Variants in SLK observed in about 807,000 individuals in gnomAD.
SLK encodes the protein STE20 like kinase, also known as STE20-like serine/threonine-protein kinase.
In SLK, 67 loss-of-function variants were observed where a neutral mutation model predicts 147.7. The ratio of observed to expected loss-of-function variants is 0.45; its 90% confidence interval spans 0.37 to 0.56. The LOEUF (loss-of-function observed/expected upper bound fraction) is 0.56, where lower values mean the gene tolerates loss of function less well. Among genes scored for constraint, SLK ranks in the 20% least tolerant of loss-of-function variants. The pLI is 0.00. For missense variants in SLK, 1,136 were observed against 1,438.8 expected (o/e 0.79, Z 3.41); for synonymous variants, 441 against 475.0 (o/e 0.93, Z 0.93).
chr10:104,008,390 C>A (rs1477520329), intron 12 of SLK, 34 bp downstream of exon 12: 2 of 1,348,620 alleles, frequency 1.5e-6, no homozygotes, highest in Non-Finnish European at 2.0e-6. Flanking sequence ...ATTACTAAAG[C>A]TTTTTTTTTA....
intron 12 of SLK, among the ~76,000 whole-genome samples, chr10:104,009,930 C>G (rs1054512538): frequency 1.3e-5 from 2 of 151,980 alleles, no homozygotes; most frequent in African/African-American, 4.8e-5. Context: ...CCATCAATAG[C>G]ATGTGGTGAT....
chr10:103,978,392 G>A (rs903068819), intron 1 of SLK, among the ~76,000 whole-genome samples: 2 of 151,982 alleles, frequency 1.3e-5, no homozygotes, highest in African/African-American at 4.8e-5. Flanking sequence ...CTATGTCAAG[G>A]TACACTTCTG....
chr10:103,978,894 C>G (rs1012737939), intron 1 of SLK, among the ~76,000 whole-genome samples: 5 of 152,144 alleles, frequency 3.3e-5, no homozygotes, highest in African/African-American at 1.2e-4. Context: ...CTCCTTCCAT[C>G]CCTTCCTCCT....
rs1844513401 is a variant in SLK, at chr10:104,019,938, AGTCTCTTCTCTTTTAGGTTTAAAATTTTT to A, written c.3321+18_3321+46del. ...AATTAAACAGGTAAATATGCAAGTTAGTCTCTTCTCTTTTAGGTTTAAAATTTTTGAATGACCATTAGAAGTTCTACAAA... is the reference window on the plus strand; with the variant it reads ...AATTAAACAGGTAAATATGCAAGTTAGAATGACCATTAGAAGTTCTACAAA... On this transcript the variant is annotated intron_variant, in intron 16 of 18. Coordinates refer to ENST00000369755, the MANE Select transcript of SLK (RefSeq NM_014720.4). 1 of 1,590,068 alleles carries A rather than the reference AGTCTCTTCTCTTTTAGGTTTAAAATTTTT, an allele frequency of 6.3e-7. No individual in the cohort carries two copies. Among genetic ancestry groups the A allele is most frequent in the East Asian group, 2.2e-5 (1 of 44,604 alleles).
intron 1 of SLK, among the ~76,000 whole-genome samples, chr10:103,985,058 T>C (rs1340581570): frequency 6.6e-6 from 1 of 152,242 alleles, no homozygotes; most frequent in South Asian, 2.1e-4. Context: ...TACAGTAAGA[T>C]GTATTGAGAG....
intron 1 of SLK, among the ~76,000 whole-genome samples, chr10:103,987,672 T>C (rs913575498): frequency 3.3e-5 from 5 of 152,202 alleles, no homozygotes; most frequent in African/African-American, 1.2e-4. Flanking sequence ...TGAAATGTCT[T>C]ATAAAAACAA....
chr10:104,006,416 A>G (rs1300561389), intron 11 of SLK, among the ~76,000 whole-genome samples: 2 of 152,154 alleles, frequency 1.3e-5, no homozygotes, highest in Non-Finnish European at 2.9e-5. Context: ...GTTTAGAGCA[A>G]TTGCCTTCAA....
chr10:103,977,153 A>G (rs895343640), intron 1 of SLK, among the ~76,000 whole-genome samples: 1 of 152,222 alleles, frequency 6.6e-6, no homozygotes, highest in African/African-American at 2.4e-5. Context: ...TTTGTAGGAT[A>G]TGAGGTCCTT....
intron 18 of SLK, among the ~76,000 whole-genome samples, chr10:104,022,220 G>GAGGAAGAAAAGGA (rs1410499191): frequency 1.3e-5 from 2 of 152,106 alleles, no homozygotes; most frequent in Non-Finnish European, 2.9e-5. Flanking sequence ...AGTCATTAGG[G>GAGGAAGAAAAGGA]AGGAAGAAAA....
At position 104,027,548 on chromosome 10, in the gene SLK, GTTTA is replaced by G. The variant is rs1844614422; in HGVS notation, c.*1830_*1833del. On this transcript the variant is annotated 3_prime_UTR_variant, in exon 19 of 19. Coordinates refer to ENST00000369755, the MANE Select transcript of SLK (RefSeq NM_014720.4). The stretch of plus-strand genomic sequence containing the variant: ...AATATTCAGGATGATGATAAAAATT[GTTTA>G]TATTGTTATGATAAAAATGACAGTA... 1 of 152,432 alleles carries G rather than the reference GTTTA, an allele frequency of 6.6e-6. No individual in the cohort carries two copies. Among genetic ancestry groups the G allele is most frequent in the African/African-American group, 2.4e-5 (1 of 41,384 alleles). 9.4% of individuals were successfully genotyped at this position (152,432 alleles called of 1,614,324 possible).
intron 18 of SLK, among the ~76,000 whole-genome samples, chr10:104,024,184 T>A (rs750944631): frequency 6.4e-4 from 98 of 152,236 alleles, no homozygotes; most frequent in Middle Eastern, 3.2e-3. Context: ...CTCTTTTTCA[T>A]AATGTGTCTC....
At chr10:103,972,766 T>C (rs1428572392) in intron 1 of SLK, among the ~76,000 whole-genome samples, 1 of 152,242 alleles carries the variant, frequency 6.6e-6, no homozygotes, top group Non-Finnish European at 1.5e-5. Context: ...GTGTTACATT[T>C]CTCATTGTGC....
At chr10:103,989,884 A>G (rs186181143) in intron 1 of SLK, among the ~76,000 whole-genome samples, 4 of 152,332 alleles carry the variant, frequency 2.6e-5, no homozygotes, top group Admixed American at 2.6e-4. Context: ...AAACCCGCAC[A>G]TACATGTTTA....
Position 104,020,490 on chromosome 10 carries a change from T to G in SLK, c.3324T>G (p.Phe1108Leu). ...TTATCTTTTTTTCTTATTTATAGTT[T>G]GCTGCACAAGAAGAAAAGAGGCAGA... ...PDQDRDKIKQ[F>L]AAQEEKRQKN... Residue 1108 changes from phenylalanine (F) to leucine (L), a missense_variant and splice_region_variant, in exon 17 of 19, where the codon TTT becomes TTG. Coordinates refer to ENST00000369755, the MANE Select transcript of SLK (RefSeq NM_014720.4). 6.2e-7 allele frequency: 1 copy of G among 1,612,110 alleles called. No individual in the cohort carries two copies. The highest frequency in any genetic ancestry group is 8.5e-7 in the Non-Finnish European group (1 of 1,179,038).
At chr10:104,017,748 GGGATTACAGGCAT>G (rs1334918601) in intron 13 of SLK, among the ~76,000 whole-genome samples, 2 of 152,164 alleles carry the variant, frequency 1.3e-5, no homozygotes, top group Non-Finnish European at 2.9e-5. Context: ...CCAGAGTGCT[GGGATTACAGGCAT>G]GAGCCACCAC....
intron 1 of SLK, among the ~76,000 whole-genome samples, chr10:103,970,591 GTCT>G (rs200824346): frequency 0.011 from 1,612 of 152,104 alleles, 18 homozygotes; most frequent in Admixed American, 0.014. Flanking sequence ...AAACTTATCT[GTCT>G]TCTTATGGCC....
At chr10:103,989,307 A>G (rs1844057785) in intron 1 of SLK, among the ~76,000 whole-genome samples, 3 of 152,174 alleles carry the variant, frequency 2.0e-5, no homozygotes, top group Admixed American at 2.0e-4. Flanking sequence ...TTGTAAATTG[A>G]AAAGATACAA....
chr10:104,017,150 G>A (rs1468949527), intron 13 of SLK, among the ~76,000 whole-genome samples: 3 of 152,082 alleles, frequency 2.0e-5, no homozygotes, highest in Non-Finnish European at 4.4e-5. Context: ...TTTGGCATTC[G>A]GGTAGATAGT....
Position 104,026,041 on chromosome 10 carries a change from A to C in SLK, c.*321A>C, listed in dbSNP as rs896424514. The C allele has an allele frequency of 3.0e-5, 6 of 198,228 alleles. No individual in the cohort carries two copies. Among genetic ancestry groups the C allele is most frequent in the African/African-American group, 1.4e-4 (6 of 43,258 alleles). 12.3% of individuals were successfully genotyped at this position (198,228 alleles called of 1,614,324 possible). On this transcript the variant is annotated 3_prime_UTR_variant, in exon 19 of 19. Coordinates refer to ENST00000369755, the MANE Select transcript of SLK (RefSeq NM_014720.4). ...AATAATGTTTAAAGTTATTTAAGAA[A>C]AACTGTTACATCACTAAGTATTAAT... is the stretch of plus-strand genomic sequence containing the variant.
Sources: allele counts gnomAD v4.1 joint callset (sites outside exome capture counted in the v4.1 genomes callset), GRCh38; gene constraint gnomAD v4.1.1; transcripts MANE v1.5; gene names NCBI Gene and HGNC (gene_info 2026-07-23, HGNC 2026-07-21).